The following PRR36 variants were observed in gnomAD, a reference collection of about 807,000 sequenced individuals.
PRR36 encodes proline-rich protein 36.
PRR36 carries 30 observed loss-of-function variants against 58.6 expected under a neutral mutation model. That is an observed-to-expected ratio of 0.51 (90% CI 0.38 to 0.69). The LOEUF (loss-of-function observed/expected upper bound fraction) is 0.69, where lower values mean the gene tolerates loss of function less well. Among genes scored for constraint, PRR36 ranks in the 30% least tolerant of loss-of-function variants. PRR36 has a pLI of 0.00. For missense variants in PRR36, 1,692 were observed against 1,805.6 expected (o/e 0.94, Z 1.14); for synonymous variants, 771 against 829.3 (o/e 0.93, Z 1.21).
Position 7,872,506 on chromosome 19 carries a change from G to A in PRR36, c.738C>T (p.Ala246=), listed in dbSNP as rs900161780. 3 of 1,496,902 alleles carry A rather than the reference G, an allele frequency of 2.0e-6. No individual in the cohort carries two copies. The African/African-American group carries it at 4.2e-5, about 21-fold the overall frequency. 92.7% of individuals were successfully genotyped at this position (1,496,902 alleles called of 1,614,324 possible). The part of the protein sequence containing the change: ...RPASRSLSSS[A]TPLSSPARSG... The stretch of plus-strand genomic sequence containing the variant: ...AACGGGCTGGGGAGGAGAGAGGGGT[G>A]GCGCTGGAGCTCAGGGAGCGCGAGG... Residue 246 remains alanine (A), a synonymous_variant, in exon 5 of 6, where the codon GCC becomes GCT. Transcript: ENST00000618550. This position sits in a 1 kb window ranked among gnomAD's most constrained non-coding sequence, Gnocchi z 6.1.
chr19:7,873,602 G>A lies in PRR36; in HGVS notation c.88C>T (p.Pro30Ser), dbSNP rs1980571268. The A allele has an allele frequency of 6.5e-7, 1 of 1,534,882 alleles. No individual in the cohort carries two copies. The highest frequency in any genetic ancestry group is 1.2e-5 in the South Asian group (1 of 84,026). Residue 30 changes from proline to serine, a missense_variant, in exon 2 of 6, where the codon CCA (proline) becomes TCA (serine). By Grantham distance (74) the Pro-to-Ser change is moderately conservative. Coordinates refer to ENST00000618550, the MANE Select transcript of PRR36 (RefSeq NM_001190467.2). This position sits in a 1 kb window ranked among gnomAD's most constrained non-coding sequence, Gnocchi z 5.0. ...RAPGLLTPRP[P>S]GSPRPPPPVT... The stretch of plus-strand genomic sequence containing the variant: ...GGGGGAGGGGGTCGAGGAGAGCCTG[G>A]GGGCCTGGGGGTCAGAAGTCCAGGA...
rs1231274368 is a variant in PRR36, at chr19:7,872,696, G to A, written c.548C>T (p.Ala183Val). The change falls in exon 5 of 6, where the codon GCG (alanine) becomes GTG (valine). Residue 183 changes from alanine (A) to valine (V), a missense_variant. Ala to Val is a moderately conservative substitution (Grantham distance 64). This residue lies in a region of PRR36 where 975 missense variants were observed against 955.2 expected (regional missense o/e 1.02). Coordinates refer to ENST00000618550, the MANE Select transcript of PRR36 (RefSeq NM_001190467.2). The surrounding 1 kb of genome is among the most constrained non-coding windows in gnomAD (Gnocchi z 6.1). ...SPAMARRSRA[A>V]GTEVGLPRPA... is the part of the protein sequence containing the mutation. ...CCGGGGGAGCCCCACCTCGGTGCCC[G>A]CAGCCCGGGACCGACGGGCCATGGC... is the stretch of plus-strand genomic sequence containing the variant. The A allele has an allele frequency of 5.5e-5, 80 of 1,447,774 alleles. No homozygotes were observed. The highest frequency in any genetic ancestry group is 7.2e-5 in the Non-Finnish European group (80 of 1,105,616). The allele number at this position is 1,447,774 out of a possible 1,614,324, so 89.7% of individuals were successfully genotyped here. A position where few individuals can be genotyped will look rare whatever the true frequency, so the allele number is the denominator to read the frequency against.
Position 7,870,004 on chromosome 19 carries a change from G to A in PRR36, c.3240C>T (p.Pro1080=). ...CGGAGGTATCCGGACCCGGGGTCGG[G>A]GGGCGGCGTGGGGCCTGCAGGGTGG... ...ASPTLQAPRR[P]PTPGPDTSVS... is the part of the protein sequence containing the mutation. Residue 1080 remains proline, a synonymous_variant, in exon 5 of 6, where the codon CCC becomes CCT. Transcript: ENST00000618550. The A allele has an allele frequency of 2.8e-6, 4 of 1,408,332 alleles. No individual in the cohort carries two copies. The highest frequency in any genetic ancestry group is 3.7e-6 in the Non-Finnish European group (4 of 1,087,668). The allele number at this position is 1,408,332 out of a possible 1,614,324, so 87.2% of individuals were successfully genotyped here.
chr19:7,872,446 A>C lies in PRR36; in HGVS notation c.798T>G (p.Pro266=). The C allele has an allele frequency of 6.9e-7, 1 of 1,456,096 alleles. No individual in the cohort carries two copies. Among genetic ancestry groups the C allele is most frequent in the South Asian group, 1.4e-5 (1 of 70,822 alleles). The allele number at this position is 1,456,096 out of a possible 1,614,324, so 90.2% of individuals were successfully genotyped here. A position where few individuals can be genotyped will look rare whatever the true frequency, so the allele number is the denominator to read the frequency against. ...GPSARGTPRA[P]AHPSQPKPKG... ...TCGGCTTGGGCTGCGAGGGATGCGC[A>C]GGAGCCCTGGGTGTTCCGCGGGCTG... The change falls in exon 5 of 6, where the codon CCT becomes CCG. Residue 266 remains proline (P), a synonymous_variant. Transcript: ENST00000618550. This position sits in a 1 kb window ranked among gnomAD's most constrained non-coding sequence, Gnocchi z 6.1.
chr19:7,869,610 C>CCA, intron 5 of PRR36, 66 bp from the exon 6 acceptor site: 1 of 1,482,942 alleles, frequency 6.7e-7, no homozygotes, highest in Non-Finnish European at 8.9e-7. Context: ...AAGGTCCCGC[C>CCA]TCCTTGTCTA....
Position 7,869,552 on chromosome 19 carries a change from G to T in PRR36, c.3530-8C>A. ...GCCACGGCAGGGGCGCACCTGCGGG[G>T]AGAGACGCCAGGTGGGCCGTGGGGG... On this transcript the variant is annotated splice_polypyrimidine_tract_variant and splice_region_variant and intron_variant, in intron 5 of 5. Coordinates refer to ENST00000618550, the MANE Select transcript of PRR36 (RefSeq NM_001190467.2). 3 of 1,517,134 alleles carry T rather than the reference G, an allele frequency of 2.0e-6. No individual in the cohort carries two copies. The highest frequency in any genetic ancestry group is 1.4e-5 in the African/African-American group (1 of 70,234). 94.0% of individuals were successfully genotyped at this position (1,517,134 alleles called of 1,614,324 possible). A position where few individuals can be genotyped will look rare whatever the true frequency, so the allele number is the denominator to read the frequency against.
Position 7,869,505 on chromosome 19 carries a change from G to A in PRR36, c.3569C>T (p.Ser1190Phe), listed in dbSNP as rs772491570. Residue 1190 changes from serine (S) to phenylalanine (F), a missense_variant, in exon 6 of 6, where the codon TCT becomes TTT. Around this residue, in one of 5 missense-constraint regions of PRR36, gnomAD observed 485 missense variants for 549.2 expected, o/e 0.88. Coordinates refer to ENST00000618550, the MANE Select transcript of PRR36 (RefSeq NM_001190467.2). ...LPWPPATGPG[S>F]ADGLCTIYET... ...GTAGATGGTGCACAGACCGTCAGCA[G>A]AGCCCGGTCCGGTAGCGGGAGGCCA... is the stretch of plus-strand genomic sequence containing the variant. 6.6e-7 allele frequency: 1 copy of A among 1,520,416 alleles called. No homozygotes were observed. The highest frequency in any genetic ancestry group is 1.2e-5 in the South Asian group (1 of 83,208). 94.2% of individuals were successfully genotyped at this position (1,520,416 alleles called of 1,614,324 possible).
In PRR36 at chr19:7,872,838, A is replaced by C. The variant is rs1353035624; in HGVS notation, c.487+11T>G. 2 of 1,534,584 alleles carry C rather than the reference A, an allele frequency of 1.3e-6. No individual in the cohort carries two copies. Among genetic ancestry groups the C allele is most frequent in the East Asian group, 4.9e-5 (2 of 40,874 alleles). ...CTGCCCAGGAACCCCACTCTTCTCC[A>C]GGTCACGTACCTCTCCGTGCCCCAG... On this transcript the variant is annotated intron_variant, in intron 4 of 5. Coordinates refer to ENST00000618550, the MANE Select transcript of PRR36 (RefSeq NM_001190467.2). The surrounding 1 kb of genome is among the most constrained non-coding windows in gnomAD (Gnocchi z 6.1).
At position 7,872,414 on chromosome 19, in the gene PRR36, A is replaced by C. The variant is rs1980506818; in HGVS notation, c.830T>G (p.Leu277Arg). The C allele has an allele frequency of 6.9e-7, 1 of 1,451,214 alleles. No homozygotes were observed. The highest frequency in any genetic ancestry group is 9.0e-7 in the Non-Finnish European group (1 of 1,108,036). The allele number at this position is 1,451,214 out of a possible 1,614,324, so 89.9% of individuals were successfully genotyped here. A position where few individuals can be genotyped will look rare whatever the true frequency, so the allele number is the denominator to read the frequency against. Residue 277 changes from leucine to arginine, a missense_variant, in exon 5 of 6, where the codon CTG (leucine) becomes CGG (arginine). Leu to Arg is a moderately radical substitution (Grantham distance 102). Coordinates refer to ENST00000618550, the MANE Select transcript of PRR36 (RefSeq NM_001190467.2). This position sits in a 1 kb window ranked among gnomAD's most constrained non-coding sequence, Gnocchi z 6.1. The part of the protein sequence containing the change: ...AHPSQPKPKG[L>R]QALRPPQVTP... ...GACCTGAGGGGGTCGCAGAGCCTGC[A>C]GTCCTTTCGGCTTGGGCTGCGAGGG... is the stretch of plus-strand genomic sequence containing the variant.
chr19:7,869,323 C>G lies in PRR36; in HGVS notation c.3751G>C (p.Ala1251Pro). 7.0e-7 allele frequency: 1 copy of G among 1,427,130 alleles called. No homozygotes were observed. The highest frequency in any genetic ancestry group is 9.1e-7 in the Non-Finnish European group (1 of 1,099,164). 88.4% of individuals were successfully genotyped at this position (1,427,130 alleles called of 1,614,324 possible). Residue 1251 changes from alanine to proline, a missense_variant, in exon 6 of 6, where the codon GCG becomes CCG. Coordinates refer to ENST00000618550, the MANE Select transcript of PRR36 (RefSeq NM_001190467.2). ...QARLGELPLG[A>P]LQASVVQHLL... Reference sequence around the variant, plus strand: ...TGCTGCACGACGCTCGCCTGCAGCGCCCCCAGTGGCAGCTCGCCCAGGCGC... The same window carrying G: ...TGCTGCACGACGCTCGCCTGCAGCGGCCCCAGTGGCAGCTCGCCCAGGCGC...
At position 7,873,325 on chromosome 19, in the gene PRR36, G is replaced by A. The variant is rs528205694; in HGVS notation, c.272-26C>T. On this transcript the variant is annotated intron_variant, in intron 2 of 5. Coordinates refer to ENST00000618550, the MANE Select transcript of PRR36 (RefSeq NM_001190467.2). The surrounding 1 kb of genome is among the most constrained non-coding windows in gnomAD (Gnocchi z 5.0). ...CTGCGGGGAGAAGGCCGAGTCACAG[G>A]TGCCCCGGAGAGGTGGCAGTGGAGG... 1,566 of 1,525,620 alleles carry A rather than the reference G, an allele frequency of 1.0e-3. 18 individuals are homozygous for A. In the African/African-American group the frequency reaches 0.018, roughly 17 times the overall value. The allele number at this position is 1,525,620 out of a possible 1,614,324, so 94.5% of individuals were successfully genotyped here. A position where few individuals can be genotyped will look rare whatever the true frequency, so the allele number is the denominator to read the frequency against.
In PRR36 at chr19:7,870,830, G is replaced by A. The variant is rs12984133; in HGVS notation, c.2414C>T (p.Thr805Met). Residue 805 changes from threonine (T) to methionine (M), a missense_variant, in exon 5 of 6, where the codon ACG (threonine) becomes ATG (methionine). Transcript: ENST00000618550. ...PSPLTTPPPE[T>M]PSSIATPPPQ... ...AGGAGGCGTGGCTATGGAAGAGGGC[G>A]TCTCCGGAGGGGGCGTGGTCAATGG... The A allele has an allele frequency of 0.27, 387,521 of 1,445,568 alleles. 53,155 individuals are homozygous for A. The highest frequency in any genetic ancestry group is 0.36 in the South Asian group (24,360 of 68,450). 89.5% of individuals were successfully genotyped at this position (1,445,568 alleles called of 1,614,324 possible).
Position 7,871,894 on chromosome 19 carries a change from G to C in PRR36, c.1350C>G (p.Leu450=), listed in dbSNP as rs1316824207. Residue 450 remains leucine, a synonymous_variant, in exon 5 of 6, where the codon CTC becomes CTG. Coordinates refer to ENST00000618550, the MANE Select transcript of PRR36 (RefSeq NM_001190467.2). ...NPALPSLPTL[L]SPLATPPLSA... ...ACAGAGGAGGTGTGGCCAAGGGAGA[G>C]AGGAGAGTCGGAAGAGAGGGCAACG... The C allele has an allele frequency of 3.6e-5, 55 of 1,535,888 alleles. No individual in the cohort carries two copies. Among genetic ancestry groups the C allele is most frequent in the Non-Finnish European group, 4.6e-5 (53 of 1,146,884 alleles).
At position 7,870,704 on chromosome 19, in the gene PRR36, A is replaced by C; in HGVS notation, c.2540T>G (p.Leu847Arg). ...ATPPPQAPPA[L>R]ALPPLQAPPS... is the part of the protein sequence containing the mutation. ...AGGGGCCTGCAGAGGAGGCAAGGCCAGGGCAGGTGGGGCCTGTGGAGGGGG... is the reference window on the plus strand; with the variant it reads ...AGGGGCCTGCAGAGGAGGCAAGGCCCGGGCAGGTGGGGCCTGTGGAGGGGG... Residue 847 changes from leucine (L) to arginine (R), a missense_variant, in exon 5 of 6, where the codon CTG (leucine) becomes CGG (arginine). Coordinates refer to ENST00000618550, the MANE Select transcript of PRR36 (RefSeq NM_001190467.2). 1 of 1,098,110 alleles carries C rather than the reference A, an allele frequency of 9.1e-7. No homozygotes were observed. Among genetic ancestry groups the C allele is most frequent in the Non-Finnish European group, 1.1e-6 (1 of 909,094 alleles). 68.0% of individuals were successfully genotyped at this position (1,098,110 alleles called of 1,614,324 possible). A position where few individuals can be genotyped will look rare whatever the true frequency, so the allele number is the denominator to read the frequency against.
Position 7,873,708 on chromosome 19 carries a change from A to G in PRR36, c.-7-12T>C. 1 of 1,532,022 alleles carries G rather than the reference A, an allele frequency of 6.5e-7. No homozygotes were observed. Among genetic ancestry groups the G allele is most frequent in the Non-Finnish European group, 8.7e-7 (1 of 1,144,898 alleles). 94.9% of individuals were successfully genotyped at this position (1,532,022 alleles called of 1,614,324 possible). ...TGTCCATCTTGCACCTGAAGAGACA[A>G]ACCGGTCCGCATCCCAGGTTCTGGA... On this transcript the variant is annotated splice_polypyrimidine_tract_variant and intron_variant, in intron 1 of 5. Coordinates refer to ENST00000618550, the MANE Select transcript of PRR36 (RefSeq NM_001190467.2). The surrounding 1 kb of genome is among the most constrained non-coding windows in gnomAD (Gnocchi z 5.0).
In PRR36 at chr19:7,872,088, G is replaced by A; in HGVS notation, c.1156C>T (p.Leu386Phe). The A allele has an allele frequency of 6.5e-7, 1 of 1,534,464 alleles. No individual in the cohort carries two copies. The highest frequency in any genetic ancestry group is 8.7e-7 in the Non-Finnish European group (1 of 1,146,188). ...GGGGGCGTGGCTGGTGGAGAGGGGA[G>A]GGTCTGCAGAGAAGGTGGAGCAGAG... is the stretch of plus-strand genomic sequence containing the variant. ...SPSAPPSLQT[L>F]PSPPATPPSQ... The change falls in exon 5 of 6, where the codon CTC becomes TTC. Residue 386 changes from leucine to phenylalanine, a missense_variant. By Grantham distance (22) the Leu-to-Phe change is conservative. Transcript: ENST00000618550. This position sits in a 1 kb window ranked among gnomAD's most constrained non-coding sequence, Gnocchi z 6.1.
Position 7,873,200 on chromosome 19 carries a change from G to T in PRR36, c.371C>A (p.Thr124Asn). 6.5e-7 allele frequency: 1 copy of T among 1,535,958 alleles called. No homozygotes were observed. The highest frequency in any genetic ancestry group is 8.7e-7 in the Non-Finnish European group (1 of 1,146,764). Reference protein sequence around the residue: ...VSSPGRASGTTRPGPLGQKGL... With the variant: ...VSSPGRASGTNRPGPLGQKGL... ...TGGGGGAGAGGGAGCAGGTTACCTG[G>T]TGGTCCCGCTGGCACGCCCTGGGCT... is the stretch of plus-strand genomic sequence containing the variant. The change falls in exon 3 of 6, where the codon ACC becomes AAC. Residue 124 changes from threonine (T) to asparagine (N), a missense_variant. By Grantham distance (65) the Thr-to-Asn change is moderately conservative. Coordinates refer to ENST00000618550, the MANE Select transcript of PRR36 (RefSeq NM_001190467.2). The surrounding 1 kb of genome is among the most constrained non-coding windows in gnomAD (Gnocchi z 5.0).
Position 7,873,352 on chromosome 19 carries a change from G to A in PRR36, c.272-53C>T, listed in dbSNP as rs1240368474. 1 of 1,519,400 alleles carries A rather than the reference G, an allele frequency of 6.6e-7. No homozygotes were observed. The highest frequency in any genetic ancestry group is 2.5e-5 in the East Asian group (1 of 40,682). 94.1% of individuals were successfully genotyped at this position (1,519,400 alleles called of 1,614,324 possible). On this transcript the variant is annotated intron_variant, in intron 2 of 5. Coordinates refer to ENST00000618550, the MANE Select transcript of PRR36 (RefSeq NM_001190467.2). This position sits in a 1 kb window ranked among gnomAD's most constrained non-coding sequence, Gnocchi z 5.0. The stretch of plus-strand genomic sequence containing the variant: ...GCCCCGGAGAGGTGGCAGTGGAGGT[G>A]AGACTGGACAGGTATTGGAAGGGGG...
Position 7,869,900 on chromosome 19 carries a change from C to G in PRR36, c.3344G>C (p.Ser1115Thr). Reference protein sequence around the residue: ...PPSRSPSSTLSGPDLAGHSSS... With the variant: ...PPSRSPSSTLTGPDLAGHSSS... ...GCTGTGGCCGGCCAGGTCTGGGCCG[C>G]TCAGCGTGCTGGACGGGCTGCGCGA... Residue 1115 changes from serine (S) to threonine (T), a missense_variant, in exon 5 of 6, where the codon AGC becomes ACC. Around this residue, in one of 5 missense-constraint regions of PRR36, gnomAD observed 485 missense variants for 549.2 expected, o/e 0.88. Coordinates refer to ENST00000618550, the MANE Select transcript of PRR36 (RefSeq NM_001190467.2). 1 of 1,360,884 alleles carries G rather than the reference C, an allele frequency of 7.3e-7. No individual in the cohort carries two copies. The highest frequency in any genetic ancestry group is 9.4e-7 in the Non-Finnish European group (1 of 1,064,152). The allele number at this position is 1,360,884 out of a possible 1,614,324, so 84.3% of individuals were successfully genotyped here. A position where few individuals can be genotyped will look rare whatever the true frequency, so the allele number is the denominator to read the frequency against.
Sources: allele counts gnomAD v4.1 joint callset, GRCh38; gene constraint gnomAD v4.1.1; regional missense constraint gnomAD v4.1.1; non-coding constraint Gnocchi (gnomAD v3.1); transcripts MANE v1.5; gene names NCBI Gene and HGNC (gene_info 2026-07-23, HGNC 2026-07-21).